The following RELT variants were observed in gnomAD, a reference collection of about 807,000 sequenced individuals.
RELT encodes RELT TNF receptor.
Under a neutral mutation model 51.1 loss-of-function variants are expected in RELT, and 37 were observed. The ratio of observed to expected loss-of-function variants is 0.72; its 90% confidence interval spans 0.56 to 0.95. RELT has a LOEUF of 0.95. Ranked by LOEUF, RELT falls within the 40% of genes least tolerant of loss-of-function variation. The pLI is 0.00. For missense variants in RELT, 535 were observed against 572.6 expected (o/e 0.93, Z 0.67); for synonymous variants, 241 against 235.7 (o/e 1.02, Z -0.21).
At chr11:73,378,351 G>C (rs964983331) in intron 1 of RELT, among the ~76,000 whole-genome samples, 14 of 152,268 alleles carry the variant, frequency 9.2e-5, no homozygotes, top group African/African-American at 3.1e-4. Flanking sequence ...GGGACAGGGT[G>C]GGGGACAGTG....
At position 73,396,525 on chromosome 11, in the gene RELT, G is replaced by A. The variant is rs907669191; in HGVS notation, c.*1034G>A. On this transcript the variant is annotated 3_prime_UTR_variant, in exon 11 of 11. Coordinates refer to ENST00000064780, the MANE Select transcript of RELT (RefSeq NM_152222.2). ...CTGGTTATTTATGTGGGGCCGTGCAGGCATGGGCCCACTGCCTGTCCATCC... is the reference window on the plus strand; with the variant it reads ...CTGGTTATTTATGTGGGGCCGTGCAAGCATGGGCCCACTGCCTGTCCATCC... 1 of 152,330 alleles carries A rather than the reference G, an allele frequency of 6.6e-6. No homozygotes were observed. Among genetic ancestry groups the A allele is most frequent in the African/African-American group, 2.4e-5 (1 of 41,464 alleles). The allele number at this position is 152,330 out of a possible 1,614,324, so 9.4% of individuals were successfully genotyped here. A position where few individuals can be genotyped will look rare whatever the true frequency, so the allele number is the denominator to read the frequency against.
chr11:73,392,448 G>T lies in RELT; in HGVS notation c.605G>T (p.Gly202Val), dbSNP rs753551094. The change falls in exon 6 of 11, where the codon GGC (glycine) becomes GTC (valine). Residue 202 changes from glycine to valine, a missense_variant. Transcript: ENST00000064780. Reference protein sequence around the residue: ...HCTAHKEVGPGPGGGGSGINP... With the variant: ...HCTAHKEVGPVPGGGGSGINP... The stretch of plus-strand genomic sequence containing the variant: ...ACGGCGCACAAGGAGGTCGGGCCCG[G>T]CCCTGGAGGTGGAGGCAGTGGTGAG... 9 of 1,612,740 alleles carry T rather than the reference G, an allele frequency of 5.6e-6. No individual in the cohort carries two copies. The highest frequency in any genetic ancestry group is 5.3e-5 in the African/African-American group (4 of 74,926).
chr11:73,377,402 G>T (rs533086253), intron 1 of RELT, among the ~76,000 whole-genome samples: 4 of 152,154 alleles, frequency 2.6e-5, no homozygotes, highest in Admixed American at 2.0e-4. Flanking sequence ...AGGAGACAAG[G>T]GTCTCCAGGA....
At chr11:73,392,543 G>C in intron 6 of RELT, 75 bp downstream of exon 6, 1 of 1,535,956 alleles carries the variant, frequency 6.5e-7, no homozygotes, top group Non-Finnish European at 8.8e-7. Flanking sequence ...GGGGCTGCCA[G>C]CGGAATCCTG....
At chr11:73,376,788 G>A (rs1193609215) in intron 1 of RELT, 1 of 152,130 alleles carries the variant, frequency 6.6e-6, no homozygotes, top group Non-Finnish European at 1.5e-5. Flanking sequence ...GGGGGCGCGC[G>A]GGGAAGCAGC....
At chr11:73,392,756 G>A (rs1024250570) in intron 6 of RELT, 1 of 1,360,798 alleles carries the variant, frequency 7.3e-7, no homozygotes, top group Non-Finnish European at 9.5e-7. Context: ...GGCCACAGTT[G>A]TGTGTATGGT....
At chr11:73,384,271 G>A (rs1016971095) in intron 1 of RELT, 2 of 152,350 alleles carry the variant, frequency 1.3e-5, no homozygotes, top group African/African-American at 4.8e-5. Flanking sequence ...GCCTTGGTGT[G>A]ACCTGAGCAC....
intron 1 of RELT, among the ~76,000 whole-genome samples, chr11:73,379,578 G>A (rs1185989400): frequency 2.0e-5 from 3 of 152,222 alleles, no homozygotes; most frequent in Non-Finnish European, 4.4e-5. Flanking sequence ...AGGACTCCTA[G>A]AACCTTCACC....
At chr11:73,391,334 T>C in intron 5 of RELT, 111 bp downstream of exon 5, 1 of 985,498 alleles carries the variant, frequency 1.0e-6, no homozygotes, top group African/African-American at 1.7e-5. Flanking sequence ...GGGGTCCTTC[T>C]TCCAGCCCAG....
rs1486442086 is a variant in RELT, at chr11:73,395,178, C to G, written c.1138C>G (p.Leu380Val). 6.2e-7 allele frequency: 1 copy of G among 1,613,228 alleles called. No individual in the cohort carries two copies. Among genetic ancestry groups the G allele is most frequent in the Non-Finnish European group, 8.5e-7 (1 of 1,179,852 alleles). ...ITEAGPSWGD[L>V]PDSPQPGLPP... ...GGAGGCTGGGCCCTCGTGGGGTGAT[C>G]TCCCTGACTCCCCACAGCCTGGCCT... The change falls in exon 10 of 11, where the codon CTC (leucine) becomes GTC (valine). Residue 380 changes from leucine (L) to valine (V), a missense_variant. Physicochemically the swap from Leu to Val is conservative, Grantham distance 32 (BLOSUM62 1). Coordinates refer to ENST00000064780, the MANE Select transcript of RELT (RefSeq NM_152222.2).
At position 73,392,359 on chromosome 11, in the gene RELT, C is replaced by A; in HGVS notation, c.516C>A (p.Phe172Leu). The change falls in exon 6 of 11, where the codon TTC (phenylalanine) becomes TTA (leucine). Residue 172 changes from phenylalanine (F) to leucine (L), a missense_variant. Transcript: ENST00000064780. ...CGGTCATCGCCATCGTCCCTGTCTT[C>A]TGCCTCATGGGGCTGTTGGGCATCC... ...QYAVIAIVPVFCLMGLLGILV... is the reference protein window; with the variant it reads ...QYAVIAIVPVLCLMGLLGILV... The A allele has an allele frequency of 6.2e-7, 1 of 1,613,898 alleles. No homozygotes were observed. The highest frequency in any genetic ancestry group is 1.1e-5 in the South Asian group (1 of 91,090).
At chr11:73,379,790 G>T (rs571202838) in intron 1 of RELT, among the ~76,000 whole-genome samples, 1 of 152,146 alleles carries the variant, frequency 6.6e-6, no homozygotes. Flanking sequence ...CGGCTCTCCC[G>T]CACACTGCCA....
chr11:73,377,859 T>A lies in RELT; in HGVS notation c.-26+1360T>A, dbSNP rs1013004715. 2.8e-4 allele frequency among the ~76,000 whole-genome samples: 42 copies of A among 151,948 alleles called. 1 individual carries two copies. The highest frequency in any genetic ancestry group is 9.4e-4 in the African/African-American group (39 of 41,372). On this transcript the variant is annotated intron_variant, in intron 1 of 10. Coordinates refer to ENST00000064780, the MANE Select transcript of RELT (RefSeq NM_152222.2). ...GCAGTGGGGGGTGGGGGCAGGCTTCTCCTGGGGACACAGCGGCCCAGGGGC... is the reference window on the plus strand; with the variant it reads ...GCAGTGGGGGGTGGGGGCAGGCTTCACCTGGGGACACAGCGGCCCAGGGGC...
intron 10 of RELT, 72 bp downstream of exon 10, chr11:73,395,357 G>C (rs761789261): frequency 1.7e-5 from 27 of 1,556,416 alleles, no homozygotes; most frequent in Non-Finnish European, 2.3e-5. Flanking sequence ...AGGGGTGGAA[G>C]TGCAGCGGGC....
At position 73,395,972 on chromosome 11, in the gene RELT, G is replaced by C. The variant is rs917805719; in HGVS notation, c.*481G>C. Reference sequence around the variant, plus strand: ...AGGGGTAGCAGAAAGTCCTGGGCTAGGAGAGTGAGTCCCTGGGTTCTAATC... The same window carrying C: ...AGGGGTAGCAGAAAGTCCTGGGCTACGAGAGTGAGTCCCTGGGTTCTAATC... On this transcript the variant is annotated 3_prime_UTR_variant, in exon 11 of 11. Coordinates refer to ENST00000064780, the MANE Select transcript of RELT (RefSeq NM_152222.2). The C allele has an allele frequency of 1.8e-5, 3 of 168,872 alleles. No individual in the cohort carries two copies. Among genetic ancestry groups the C allele is most frequent in the African/African-American group, 7.2e-5 (3 of 41,824 alleles). 10.5% of individuals were successfully genotyped at this position (168,872 alleles called of 1,614,324 possible).
Position 73,395,773 on chromosome 11 carries a change from C to T in RELT, c.*282C>T. 1.9e-5 allele frequency: 10 copies of T among 532,778 alleles called. No homozygotes were observed. The highest frequency in any genetic ancestry group is 5.0e-4 in the Middle Eastern group (1 of 2,004). 33.0% of individuals were successfully genotyped at this position (532,778 alleles called of 1,614,324 possible). On this transcript the variant is annotated 3_prime_UTR_variant, in exon 11 of 11. Transcript: ENST00000064780. ...ACCCCCGTGCCTGCCCTGGCTGGAT[C>T]CTAGGAGCCCACGGGATTCTCTGTA...
Position 73,397,179 on chromosome 11 carries a change from G to A in RELT, c.*1688G>A, listed in dbSNP as rs1217799355. 6.6e-6 allele frequency: 1 copy of A among 152,408 alleles called. No homozygotes were observed. Among genetic ancestry groups the A allele is most frequent in the Non-Finnish European group, 1.5e-5 (1 of 68,172 alleles). 9.4% of individuals were successfully genotyped at this position (152,408 alleles called of 1,614,324 possible). On this transcript the variant is annotated 3_prime_UTR_variant, in exon 11 of 11. Transcript: ENST00000064780. ...GGAGGTAATTGGGGGTGAGGAAGAT[G>A]TGCGGGCCAGGGAATGTGTTCCACA... is the stretch of plus-strand genomic sequence containing the variant.
chr11:73,387,160 G>C (rs1161194843), intron 1 of RELT, among the ~76,000 whole-genome samples: 1 of 152,086 alleles, frequency 6.6e-6, no homozygotes, highest in African/African-American at 2.4e-5. Context: ...GGCCAGGCTG[G>C]TCTTGAACTC....
At position 73,390,934 on chromosome 11, in the gene RELT, G is replaced by A. The variant is rs1314298621; in HGVS notation, c.287+13G>A. 1.9e-6 allele frequency: 3 copies of A among 1,608,194 alleles called. No individual in the cohort carries two copies. Among genetic ancestry groups the A allele is most frequent in the Non-Finnish European group, 8.5e-7 (1 of 1,178,512 alleles). On this transcript the variant is annotated intron_variant, in intron 4 of 10. Transcript: ENST00000064780. ...ACTGCTGGCCTGGGTAAGCCAAAGG[G>A]AGTGCGGGGAGGGCTCCTGGCTGGG...
Sources: allele counts gnomAD v4.1 joint callset (sites outside exome capture counted in the v4.1 genomes callset), GRCh38; gene constraint gnomAD v4.1.1; transcripts MANE v1.5; gene names NCBI Gene and HGNC (gene_info 2026-07-23, HGNC 2026-07-21).